The following GSG1L variants were observed in gnomAD, a reference collection of about 807,000 sequenced individuals.
The protein encoded by GSG1L is germ cell-specific gene 1-like protein.
GSG1L carries 24 observed loss-of-function variants against 42.1 expected under a neutral mutation model. The observed-to-expected ratio is 0.57, with a 90% CI of 0.41 to 0.80. The LOEUF (loss-of-function observed/expected upper bound fraction) is 0.80. Ranked by LOEUF, GSG1L falls within the 30% of genes least tolerant of loss-of-function variation. The probability of loss-of-function intolerance (pLI) is 0.00; values close to 1 mark genes in which losing one functional copy is unlikely to be tolerated. For missense variants in GSG1L, 445 were observed against 472.2 expected (o/e 0.94, Z 0.53); for synonymous variants, 215 against 203.5 (o/e 1.06, Z -0.48).
intron 2 of GSG1L, among the ~76,000 whole-genome samples, chr16:27,944,561 G>T (rs1023177672): frequency 6.6e-6 from 1 of 151,386 alleles, no homozygotes; most frequent in Non-Finnish European, 1.5e-5. Context: ...GGTGGAGGTT[G>T]CAGTGAGCCG....
At chr16:27,917,415 T>G (rs988446670) in intron 2 of GSG1L, among the ~76,000 whole-genome samples, 4 of 151,574 alleles carry the variant, frequency 2.6e-5, no homozygotes, top group African/African-American at 9.7e-5. Context: ...GTAGGGGGAA[T>G]GAGCAGGACC....
At chr16:28,037,088 G>A (rs923087552) in intron 1 of GSG1L, among the ~76,000 whole-genome samples, 8 of 152,160 alleles carry the variant, frequency 5.3e-5, no homozygotes, top group African/African-American at 1.9e-4. Flanking sequence ...GTGCAGTGGT[G>A]TGATCTCGGC....
At chr16:28,005,366 C>T (rs569467266) in intron 1 of GSG1L, among the ~76,000 whole-genome samples, 15 of 152,218 alleles carry the variant, frequency 9.9e-5, no homozygotes, top group Admixed American at 3.3e-4. Context: ...TGCCCTCCTC[C>T]GCCTCCCAAA....
chr16:28,031,204 G>A (rs2085958414), intron 1 of GSG1L, among the ~76,000 whole-genome samples: 1 of 122,754 alleles, frequency 8.1e-6, no homozygotes. Flanking sequence ...AAATGATGGG[G>A]TGGGATGAGA....
At chr16:27,803,907 AT>A (rs2082921187) in intron 6 of GSG1L, among the ~76,000 whole-genome samples, 1 of 151,594 alleles carries the variant, frequency 6.6e-6, no homozygotes, top group African/African-American at 2.4e-5. Context: ...AGGTAGATAG[AT>A]GACACGATTG....
intron 5 of GSG1L, among the ~76,000 whole-genome samples, chr16:27,825,182 G>A (rs2083195780): frequency 6.6e-6 from 1 of 152,204 alleles, no homozygotes; most frequent in African/African-American, 2.4e-5. Flanking sequence ...CCAGGGCTGA[G>A]GCCTCCAAAG....
chr16:27,969,806 A>T (rs1009702382), intron 1 of GSG1L, among the ~76,000 whole-genome samples: 1 of 152,246 alleles, frequency 6.6e-6, no homozygotes, highest in Non-Finnish European at 1.5e-5. Context: ...CAGATGCATC[A>T]TTCTATGTTC....
At chr16:28,019,942 C>A (rs902174800) in intron 1 of GSG1L, among the ~76,000 whole-genome samples, 1 of 152,242 alleles carries the variant, frequency 6.6e-6, no homozygotes, top group African/African-American at 2.4e-5. Context: ...CCTGGTTCTT[C>A]ATACCCTTGG....
chr16:27,900,062 C>A lies in GSG1L; in HGVS notation c.398-15424G>T, dbSNP rs535915697. Among the ~76,000 whole-genome samples the A allele has an allele frequency of 2.6e-5, 4 of 152,324 alleles. No homozygotes were observed. The South Asian group carries it at 6.2e-4, about 24-fold the overall frequency. ...TCCAACTCAGTCTCCCCATCCTGAG[C>A]ACTAATGCAATTGTCCTTCCTCCTC... On this transcript the variant is annotated intron_variant, in intron 2 of 6. Coordinates refer to ENST00000447459, the MANE Select transcript of GSG1L (RefSeq NM_001109763.2).
At chr16:27,847,991 C>T (rs145289737) in intron 3 of GSG1L, among the ~76,000 whole-genome samples, 36 of 152,316 alleles carry the variant, frequency 2.4e-4, no homozygotes, top group African/African-American at 8.2e-4. Context: ...CACTTACCAG[C>T]TTTGTAACAT....
At chr16:27,869,111 TG>T (rs1223622302) in intron 3 of GSG1L, among the ~76,000 whole-genome samples, 1 of 151,916 alleles carries the variant, frequency 6.6e-6, no homozygotes, top group African/African-American at 2.4e-5. Context: ...CTCCCAGAGC[TG>T]GGGGTCTCCT....
chr16:27,965,141 C>T (rs921032356), intron 1 of GSG1L, among the ~76,000 whole-genome samples: 1 of 152,136 alleles, frequency 6.6e-6, no homozygotes, highest in Non-Finnish European at 1.5e-5. Context: ...GCCTCAGCCT[C>T]CCGAGTAGCT....
Position 28,000,356 on chromosome 16 carries a change from G to A in GSG1L, c.350-37153C>T, listed in dbSNP as rs1159728534. On this transcript the variant is annotated intron_variant, in intron 1 of 6. Coordinates refer to ENST00000447459, the MANE Select transcript of GSG1L (RefSeq NM_001109763.2). ...AAAAATAAAAAGTTAGGCCACCTCA[G>A]AGAGTGAAGCCTAGGACCTTGCTGC... is the stretch of plus-strand genomic sequence containing the variant. 3.3e-5 allele frequency among the ~76,000 whole-genome samples: 5 copies of A among 152,198 alleles called. No homozygotes were observed. In the East Asian group the frequency reaches 7.7e-4, roughly 23 times the overall value.
chr16:27,945,076 CAAA>C (rs34265192), intron 2 of GSG1L, among the ~76,000 whole-genome samples: 1 of 87,310 alleles, frequency 1.1e-5, no homozygotes, highest in Admixed American at 1.3e-4. Flanking sequence ...GACCCTGTCT[CAAA>C]AAAAAAAAAA....
intron 4 of GSG1L, among the ~76,000 whole-genome samples, chr16:27,831,260 G>A (rs969993529): frequency 1.3e-5 from 2 of 152,204 alleles, no homozygotes; most frequent in African/African-American, 4.8e-5. Context: ...GCCATGAAAA[G>A]GGGCTGGATC....
chr16:27,855,737 AAAAGAG>A (rs2083569629), intron 3 of GSG1L, among the ~76,000 whole-genome samples: 2 of 150,896 alleles, frequency 1.3e-5, no homozygotes, highest in African/African-American at 4.9e-5. Flanking sequence ...AAAAAAAAAA[AAAAGAG>A]ACCAACGGAA....
chr16:27,976,186 A>C (rs938137538), intron 1 of GSG1L, among the ~76,000 whole-genome samples: 1 of 152,126 alleles, frequency 6.6e-6, no homozygotes, highest in Admixed American at 6.5e-5. Context: ...GAGGCAGGAG[A>C]ATCGCTTGAA....
chr16:28,011,134 T>C (rs908245013), intron 1 of GSG1L, among the ~76,000 whole-genome samples: 18 of 152,352 alleles, frequency 1.2e-4, no homozygotes, highest in African/African-American at 4.3e-4. Context: ...AGGTTTCCCC[T>C]GGAGAGTCTA....
In GSG1L at chr16:28,063,073, C is replaced by T; in HGVS notation, c.349+3G>A. The stretch of plus-strand genomic sequence containing the variant: ...GAGCTGGCCGCCGCCCGCGCGCACT[C>T]ACCAAGCCCGCTGAGCTCCTCCTCG... On this transcript the variant is annotated splice_donor_region_variant and intron_variant, in intron 1 of 6. Coordinates refer to ENST00000447459, the MANE Select transcript of GSG1L (RefSeq NM_001109763.2). The surrounding 1 kb of genome is among the most constrained non-coding windows in gnomAD (Gnocchi z 5.8). 1.1e-5 allele frequency: 15 copies of T among 1,423,880 alleles called. No homozygotes were observed. The highest frequency in any genetic ancestry group is 1.4e-5 in the Non-Finnish European group (15 of 1,083,096). 88.2% of individuals were successfully genotyped at this position (1,423,880 alleles called of 1,614,324 possible).
Sources: gnomAD v4.1 joint callset for allele counts (sites outside exome capture counted in the v4.1 genomes callset) on GRCh38, gnomAD v4.1.1 for gene constraint, Gnocchi (gnomAD v3.1) non-coding constraint, MANE v1.5 for transcripts, NCBI Gene and HGNC (gene_info 2026-07-23, HGNC 2026-07-21) for gene names.